Variants in NOS1 observed in about 807,000 individuals in gnomAD.
NOS1 encodes nitric oxide synthase 1, also known as NOS type I.
In NOS1, 51 loss-of-function variants were observed where a neutral mutation model predicts 164.5. That is an observed-to-expected ratio of 0.31 (90% CI 0.25 to 0.39). The LOEUF (loss-of-function observed/expected upper bound fraction) is 0.39. NOS1 is among the 10% of genes least tolerant of loss of function. The pLI, the probability that NOS1 is intolerant of heterozygous loss-of-function variation, is 1.00. For synonymous variants in NOS1, 719 were observed against 745.8 expected (o/e 0.96, Z 0.59); for missense variants, 1,362 against 1,885.6 (o/e 0.72, Z 5.14).
At chr12:117,264,146 A>AC (rs1294596462) in intron 12 of NOS1, among the ~76,000 whole-genome samples, 172 bp from the exon 13 acceptor site, 1 of 113,746 alleles carries the variant, frequency 8.8e-6, no homozygotes, top group Non-Finnish European at 1.8e-5. Flanking sequence ...GGTTGGGGGG[A>AC]GGGGGGGGGT....
rs528312280 is a variant in NOS1, at chr12:117,223,049, A to T, written c.3827-186T>A. On this transcript the variant is annotated intron_variant, in intron 25 of 28. Coordinates refer to ENST00000317775, the MANE Select transcript of NOS1 (RefSeq NM_000620.5). The stretch of plus-strand genomic sequence containing the variant: ...CAGGTGCTCACATGCACGCACATGC[A>T]CACACATACACACACATACATATGC... Among the ~76,000 whole-genome samples the T allele has an allele frequency of 2.0e-5, 3 of 152,256 alleles. No individual in the cohort carries two copies. In the East Asian group the frequency reaches 5.8e-4, roughly 29 times the overall value.
At chr12:117,235,653 G>A (rs764490674) in intron 20 of NOS1, among the ~76,000 whole-genome samples, 2 of 152,202 alleles carry the variant, frequency 1.3e-5, no homozygotes, top group Non-Finnish European at 1.5e-5. Flanking sequence ...TAACCTTTCT[G>A]CATTGATTTT....
intron 3 of NOS1, among the ~76,000 whole-genome samples, chr12:117,307,986 C>G (rs1047183552): frequency 7.6e-5 from 10 of 132,038 alleles, no homozygotes; most frequent in Admixed American, 4.0e-4. Context: ...GAGACTCTGT[C>G]TCACAATAAA....
rs1418949531 is a variant in NOS1, at chr12:117,234,880, C to A, written c.3042-122G>T. ...CCTTCCATTCTTGTTGGGGCCCGTG[C>A]TAACCAAGCCTATGCCCCCATCATT... On this transcript the variant is annotated intron_variant, in intron 20 of 28. Transcript: ENST00000317775. This position sits in a 1 kb window ranked among gnomAD's most constrained non-coding sequence, Gnocchi z 4.3. 9.1e-6 allele frequency: 6 copies of A among 656,384 alleles called. No homozygotes were observed. Among genetic ancestry groups the A allele is most frequent in the Non-Finnish European group, 1.3e-5 (5 of 395,496 alleles). The allele number at this position is 656,384 out of a possible 1,614,324, so 40.7% of individuals were successfully genotyped here.
At chr12:117,249,155 G>T (rs985275604) in intron 17 of NOS1, among the ~76,000 whole-genome samples, 2 of 152,142 alleles carry the variant, frequency 1.3e-5, no homozygotes, top group Non-Finnish European at 2.9e-5. Context: ...CACTCAGTCT[G>T]TGGTATTTTG....
rs1376808757 is a variant in NOS1 at position 117,311,487 on chromosome 12, G to A, written c.831C>T (p.Asn277=). 6.2e-7 allele frequency: 1 copy of A among 1,610,734 alleles called. No homozygotes were observed. Among genetic ancestry groups the A allele is most frequent in the Admixed American group, 1.7e-5 (1 of 59,594 alleles). Residue 277 remains asparagine, a synonymous_variant, in exon 3 of 29, where the codon AAC becomes AAT. Coordinates refer to ENST00000317775, the MANE Select transcript of NOS1 (RefSeq NM_000620.5). ...TTACCTGCTCCTTCTCTGAATATGG[G>A]TTGTTGAGGACGACAGGCACATTGC... ...GKGNVPVVLN[N]PYSEKEQPPT...
At chr12:117,224,533 C>T (rs1001934694) in intron 25 of NOS1, among the ~76,000 whole-genome samples, 5 of 152,200 alleles carry the variant, frequency 3.3e-5, no homozygotes, top group African/African-American at 1.2e-4. Flanking sequence ...GATCCGCTGG[C>T]CTGGGTCTCC....
At position 117,213,874 on chromosome 12, in the gene NOS1, CTCTGAGAGAG is replaced by C; in HGVS notation, c.*1425_*1434del. 1.0e-6 allele frequency: 1 copy of C among 985,438 alleles called. No individual in the cohort carries two copies. Among genetic ancestry groups the C allele is most frequent in the Non-Finnish European group, 1.2e-6 (1 of 829,928 alleles). 61.0% of individuals were successfully genotyped at this position (985,438 alleles called of 1,614,324 possible). A position where few individuals can be genotyped will look rare whatever the true frequency, so the allele number is the denominator to read the frequency against. ...CAAAGGGATCCCTTCCCACCATTTA[CTCTGAGAGAG>C]TAAATTCAACAGGTTGCCTCTTAGG... On this transcript the variant is annotated 3_prime_UTR_variant, in exon 29 of 29. Transcript: ENST00000317775.
At chr12:117,314,484 C>T (rs1048766741) in intron 2 of NOS1, among the ~76,000 whole-genome samples, 1 of 152,152 alleles carries the variant, frequency 6.6e-6, no homozygotes, top group African/African-American at 2.4e-5. Context: ...ACATTAAAAG[C>T]CCCCATTTTA....
At chr12:117,271,291 TC>T (rs1365351420) in intron 10 of NOS1, among the ~76,000 whole-genome samples, 3 of 151,030 alleles carry the variant, frequency 2.0e-5, no homozygotes, top group Non-Finnish European at 4.4e-5. Context: ...TTTTTTTTTT[TC>T]TTTGAGATGG....
intron 9 of NOS1, among the ~76,000 whole-genome samples, chr12:117,276,818 C>A (rs1266485162): frequency 6.6e-6 from 1 of 152,158 alleles, no homozygotes; most frequent in Non-Finnish European, 1.5e-5. Context: ...GGATCTCATT[C>A]TTTTTTGCAG....
chr12:117,253,576 G>A (rs1016955645), intron 17 of NOS1, 62 bp downstream of exon 17: 2 of 1,135,686 alleles, frequency 1.8e-6, no homozygotes, highest in South Asian at 2.6e-5. Flanking sequence ...TTTGTAAGTA[G>A]GTCAAGCTCC....
At position 117,208,569 on chromosome 12, in the gene NOS1, C is replaced by T. The variant is rs1956478528; in HGVS notation, c.*6740G>A. 8.3e-7 allele frequency: 1 copy of T among 1,199,380 alleles called. No individual in the cohort carries two copies. The highest frequency in any genetic ancestry group is 3.2e-5 in the Admixed American group (1 of 31,714). 74.3% of individuals were successfully genotyped at this position (1,199,380 alleles called of 1,614,324 possible). On this transcript the variant is annotated 3_prime_UTR_variant, in exon 29 of 29. Coordinates refer to ENST00000317775, the MANE Select transcript of NOS1 (RefSeq NM_000620.5). ...TGAGTCTTAACAATCACAACGAGAA[C>T]ACAACAATGAAAACAGTGGCGGCAG...
chr12:117,316,164 G>A (rs145174249), intron 2 of NOS1, among the ~76,000 whole-genome samples: 20 of 152,158 alleles, frequency 1.3e-4, no homozygotes, highest in African/African-American at 4.6e-4. Flanking sequence ...CAGTGCAGCC[G>A]CTGGAAACCT....
intron 3 of NOS1, among the ~76,000 whole-genome samples, chr12:117,294,181 G>A (rs916134443): frequency 3.9e-5 from 6 of 152,226 alleles, no homozygotes; most frequent in African/African-American, 1.4e-4. Context: ...TGTGAACACT[G>A]TAGAGGCTGA....
chr12:117,300,055 A>C (rs1466266900), intron 3 of NOS1, among the ~76,000 whole-genome samples: 1 of 152,118 alleles, frequency 6.6e-6, no homozygotes, highest in Admixed American at 6.6e-5. Context: ...AATGCACAAC[A>C]AGTTTCATGT....
At chr12:117,308,455 G>A (rs1245217456) in intron 3 of NOS1, among the ~76,000 whole-genome samples, 1 of 152,078 alleles carries the variant, frequency 6.6e-6, no homozygotes, top group African/African-American at 2.4e-5. Flanking sequence ...GTTGCAGTGA[G>A]TAAGCTATGA....
At chr12:117,224,993 G>A (rs1440513595) in intron 25 of NOS1, 23 bp downstream of exon 25, 1 of 1,613,998 alleles carries the variant, frequency 6.2e-7, no homozygotes, top group Admixed American at 1.7e-5. Flanking sequence ...TGGGAACCAA[G>A]TGGCCACTGG....
chr12:117,218,007 G>A (rs758736551), intron 28 of NOS1, 39 bp downstream of exon 28: 19 of 1,429,748 alleles, frequency 1.3e-5, no homozygotes, highest in Non-Finnish European at 8.9e-6. Context: ...AGAAGAGAGG[G>A]CTCTTCCTGC....
Sources: gnomAD v4.1 joint callset for allele counts (sites outside exome capture counted in the v4.1 genomes callset) on GRCh38, gnomAD v4.1.1 for gene constraint, Gnocchi (gnomAD v3.1) non-coding constraint, MANE v1.5 for transcripts, NCBI Gene and HGNC (gene_info 2026-07-23, HGNC 2026-07-21) for gene names.